Variants in MAP4 observed in about 807,000 individuals in gnomAD.
The protein encoded by MAP4 is microtubule associated protein 4.
Under a neutral mutation model 170.2 loss-of-function variants are expected in MAP4, and 76 were observed. The ratio of observed to expected loss-of-function variants is 0.45; its 90% CI spans 0.37 to 0.54. MAP4 has a LOEUF of 0.54. Among genes scored for constraint, MAP4 ranks in the 20% least tolerant of loss-of-function variants. MAP4 has a pLI of 0.00. For missense variants in MAP4, 2,506 were observed against 2,748.0 expected (o/e 0.91, Z 1.97); for synonymous variants, 909 against 994.5 (o/e 0.91, Z 1.62).
intron 3 of MAP4, among the ~76,000 whole-genome samples, chr3:47,952,058 G>C (rs2100064523): frequency 1.3e-5 from 2 of 151,424 alleles, no homozygotes; most frequent in South Asian, 4.2e-4. Flanking sequence ...TCTGGGAGGT[G>C]AGGAGCGTCT....
intron 4 of MAP4, among the ~76,000 whole-genome samples, chr3:47,925,467 G>A (rs772137608): frequency 1.6e-4 from 24 of 152,170 alleles, no homozygotes; most frequent in Admixed American, 2.6e-4. Context: ...TCCAGCCTGG[G>A]CGACAGAGGG....
Position 48,063,500 on chromosome 3 carries a change from A to G in MAP4, c.-20+25273T>C, listed in dbSNP as rs573492110. Among the ~76,000 whole-genome samples the G allele has an allele frequency of 2.0e-4, 30 of 152,258 alleles. 1 individual carries two copies. In the South Asian group the frequency reaches 5.8e-3, roughly 29 times the overall value. ...CAATCCAGCAATTGCACTCCTTGAT[A>G]TTTACCCAAAGATGAAAACTCATGT... is the stretch of plus-strand genomic sequence containing the variant. On this transcript the variant is annotated intron_variant, in intron 1 of 18. Coordinates refer to the MAP4 transcript ENST00000360240.
Position 48,069,891 on chromosome 3 carries a change from T to C in MAP4, c.-20+18882A>G, listed in dbSNP as rs926946423. Among the ~76,000 whole-genome samples, 8 of 152,324 alleles carry C rather than the reference T, an allele frequency of 5.3e-5. 1 individual carries two copies. Among genetic ancestry groups the C allele is most frequent in the Admixed American group, 4.6e-4 (7 of 15,292 alleles). ...CAGATATATGACCATGCAATACTGATGTTATTGTTTTAAGAAAATCAGATG... is the reference window on the plus strand; with the variant it reads ...CAGATATATGACCATGCAATACTGACGTTATTGTTTTAAGAAAATCAGATG... On this transcript the variant is annotated intron_variant, in intron 1 of 18. Transcript: ENST00000360240.
chr3:48,006,773 G>A (rs2100102570), intron 1 of MAP4, among the ~76,000 whole-genome samples: 1 of 152,240 alleles, frequency 6.6e-6, no homozygotes, highest in African/African-American at 2.4e-5. Flanking sequence ...GGCCTGTGCA[G>A]AAGACAGATG....
intron 10 of MAP4, chr3:47,891,267 C>T: frequency 6.5e-7 from 1 of 1,536,302 alleles, no homozygotes; most frequent in Non-Finnish European, 8.7e-7. Context: ...TCCTTCTTCC[C>T]AGAGTTGCTG....
At chr3:48,061,909 C>G (rs1005973828) in intron 1 of MAP4, among the ~76,000 whole-genome samples, 1 of 150,236 alleles carries the variant, frequency 6.7e-6, no homozygotes, top group African/African-American at 2.5e-5. Flanking sequence ...GCCGCCACCC[C>G]GTCCGGGAGG....
chr3:48,067,522 G>T (rs1030820119), intron 1 of MAP4, among the ~76,000 whole-genome samples: 3 of 152,002 alleles, frequency 2.0e-5, no homozygotes, highest in African/African-American at 7.2e-5. Context: ...TAGAGACAGG[G>T]GTTTCACTTT....
chr3:48,082,093 T>C (rs1330433692), intron 1 of MAP4, among the ~76,000 whole-genome samples: 1 of 152,206 alleles, frequency 6.6e-6, no homozygotes, highest in Non-Finnish European at 1.5e-5. Context: ...CATGGGTCCA[T>C]GTTGACATAA....
chr3:47,973,844 T>C (rs1243972355), intron 3 of MAP4: 2 of 985,258 alleles, frequency 2.0e-6, no homozygotes, highest in South Asian at 4.7e-5. Flanking sequence ...GAAAGGGTTG[T>C]GTTTTCTTTG....
chr3:47,906,187 C>T (rs907408155), intron 9 of MAP4, among the ~76,000 whole-genome samples: 1 of 151,758 alleles, frequency 6.6e-6, no homozygotes, highest in Non-Finnish European at 1.5e-5. Flanking sequence ...CAAGGGACAT[C>T]TCTGTAGGCC....
In MAP4 at chr3:47,872,008, C is replaced by T. The variant is rs34711403; in HGVS notation, c.5850G>A (p.Gln1950=). Residue 1950 remains glutamine, a synonymous_variant, in exon 13 of 21, where the codon CAG becomes CAA. Coordinates refer to ENST00000683076, the MANE Select transcript of MAP4 (RefSeq NM_001385682.1). The stretch of plus-strand genomic sequence containing the variant: ...CAGCTGTTGTGGTTTTTGCAACAGT[C>T]TGAGTGCTCTTGGACCCAGATCTGG... ...PASRSGSKST[Q]TVAKTTTAAA... 9.1e-3 allele frequency: 14,688 copies of T among 1,614,070 alleles called. 108 individuals are homozygous for T. Among genetic ancestry groups the T allele is most frequent in the Admixed American group, 0.012 (713 of 60,018 alleles).
At chr3:48,058,200 T>C (rs939228008) in intron 1 of MAP4, among the ~76,000 whole-genome samples, 10 of 152,220 alleles carry the variant, frequency 6.6e-5, no homozygotes, top group Non-Finnish European at 1.3e-4. Context: ...TGGAATTTTT[T>C]CAAAGAGAAA....
At chr3:47,933,601 CTTT>C (rs1306889632) in intron 3 of MAP4, among the ~76,000 whole-genome samples, 6 of 129,592 alleles carry the variant, frequency 4.6e-5, no homozygotes, top group Non-Finnish European at 3.2e-5. Flanking sequence ...TCCTGCCCAG[CTTT>C]TTTTTTTTTT....
At chr3:47,867,375 G>A (rs2082319907) in intron 16 of MAP4, 37 bp from the exon 17 acceptor site, 1 of 1,393,414 alleles carries the variant, frequency 7.2e-7, no homozygotes, top group Non-Finnish European at 1.0e-6. Flanking sequence ...AACACAAAGG[G>A]AGAGGACTGG....
chr3:47,857,412 C>T lies in MAP4; in HGVS notation c.6583+19G>A, dbSNP rs762788703. On this transcript the variant is annotated intron_variant, in intron 18 of 20. Transcript: ENST00000683076. Reference sequence around the variant, plus strand: ...CGACATACCCTGGAGACCCAGTGGGCAAGGGAGGCACCACTCACCAGGCTT... The same window carrying T: ...CGACATACCCTGGAGACCCAGTGGGTAAGGGAGGCACCACTCACCAGGCTT... 1 of 1,609,638 alleles carries T rather than the reference C, an allele frequency of 6.2e-7. No homozygotes were observed. Among genetic ancestry groups the T allele is most frequent in the Non-Finnish European group, 8.5e-7 (1 of 1,176,018 alleles).
At chr3:47,974,637 T>A in intron 3 of MAP4, 1 of 951,066 alleles carries the variant, frequency 1.1e-6, no homozygotes, top group Non-Finnish European at 1.3e-6. Context: ...ATAAATACAA[T>A]CAAAGCATAC....
intron 17 of MAP4, among the ~76,000 whole-genome samples, chr3:47,864,483 T>G (rs537585648): frequency 4.6e-4 from 70 of 152,222 alleles, no homozygotes; most frequent in African/African-American, 1.7e-3. Flanking sequence ...GAGACCATTC[T>G]GGCTAACATG....
chr3:47,944,376 T>A (rs1205054587), intron 3 of MAP4, among the ~76,000 whole-genome samples: 1 of 152,036 alleles, frequency 6.6e-6, no homozygotes, highest in East Asian at 1.9e-4. Flanking sequence ...CAGTCTGTTA[T>A]ACATACTTTC....
At chr3:48,042,643 C>A (rs1446174896) in intron 1 of MAP4, among the ~76,000 whole-genome samples, 2 of 151,964 alleles carry the variant, frequency 1.3e-5, no homozygotes, top group Non-Finnish European at 2.9e-5. Context: ...GAACTGGAAC[C>A]CTCATATACT....
Sources: allele counts gnomAD v4.1 joint callset (sites outside exome capture counted in the v4.1 genomes callset), GRCh38; gene constraint gnomAD v4.1.1; transcripts MANE v1.5; gene names NCBI Gene and HGNC (gene_info 2026-07-23, HGNC 2026-07-21).